HK2: variants seen among roughly 807,000 people sequenced by gnomAD.
HK2 encodes hexokinase-2.
Under a neutral mutation model 92.9 loss-of-function variants are expected in HK2, and 42 were observed. That is an observed-to-expected ratio of 0.45 (90% CI 0.35 to 0.58). The LOEUF (loss-of-function observed/expected upper bound fraction) is 0.58. HK2 is among the 20% of genes least tolerant of loss of function. The pLI is 0.00. For synonymous variants in HK2, 422 were observed against 468.0 expected, an observed-to-expected ratio of 0.90 and a Z score of 1.27; for missense variants, 978 against 1,245.1, an observed-to-expected ratio of 0.79 and a Z score of 3.23.
chr2:74,880,602 G>C, intron 10 of HK2, 33 bp downstream of exon 10: 1 of 1,604,366 alleles, frequency 6.2e-7, no homozygotes, highest in Non-Finnish European at 8.5e-7. Context: ...GGCTCACATG[G>C]TGGGCCTTTG....
At chr2:74,883,909 TCA>T (rs1689461225) in intron 12 of HK2, among the ~76,000 whole-genome samples, 1 of 152,230 alleles carries the variant, frequency 6.6e-6, no homozygotes, top group African/African-American at 2.4e-5. Context: ...TAAATTTTAA[TCA>T]CATGAAAAAT....
chr2:74,854,471 G>A lies in HK2; in HGVS notation c.226+16G>A, dbSNP rs756974043. 6.2e-7 allele frequency: 1 copy of A among 1,613,712 alleles called. No individual in the cohort carries two copies. Among genetic ancestry groups the A allele is most frequent in the Admixed American group, 1.7e-5 (1 of 60,030 alleles). ...GATGGGACAGGTACTGCATCTGGGG[G>A]ATGGCTCTAGCTGCTGCGTTACTCA... On this transcript the variant is annotated intron_variant, in intron 2 of 17. Coordinates refer to ENST00000290573, the MANE Select transcript of HK2 (RefSeq NM_000189.5).
chr2:74,880,684 C>T (rs1231352057), intron 10 of HK2, 115 bp downstream of exon 10: 3 of 1,071,870 alleles, frequency 2.8e-6, no homozygotes, highest in African/African-American at 1.6e-5. Flanking sequence ...CACGTTTCTT[C>T]AGCCGTATTA....
intron 2 of HK2, among the ~76,000 whole-genome samples, chr2:74,864,514 G>A (rs546545703): frequency 8.9e-4 from 134 of 149,846 alleles, no homozygotes; most frequent in Non-Finnish European, 1.7e-3. Context: ...TCATTTGTTT[G>A]TTTTTTTTTT....
intron 2 of HK2, among the ~76,000 whole-genome samples, chr2:74,856,766 C>A (rs1432457506): frequency 6.6e-6 from 1 of 152,094 alleles, no homozygotes; most frequent in African/African-American, 2.4e-5. Context: ...AGTGGGAGGC[C>A]GAGTTAGGAA....
intron 8 of HK2, 107 bp from the exon 9 acceptor site, chr2:74,878,580 TG>T: frequency 1.2e-6 from 1 of 851,486 alleles, no homozygotes; most frequent in Non-Finnish European, 2.0e-6. Context: ...CTGTCCCCAC[TG>T]GGTGGTGAAT....
chr2:74,853,518 AAACAACAACAACAACAACAAC>A (rs146960066), intron 1 of HK2, among the ~76,000 whole-genome samples: 19 of 143,370 alleles, frequency 1.3e-4, no homozygotes, highest in African/African-American at 3.9e-4. Context: ...CTCAGCCTCA[AAACAACAACAACAACAACAAC>A]AACAACAACA....
At chr2:74,874,187 C>T (rs770682424) in intron 6 of HK2, 79 bp from the exon 7 acceptor site, 11 of 1,568,422 alleles carry the variant, frequency 7.0e-6, no homozygotes, top group East Asian at 2.2e-5. Context: ...CGGGCAGTCT[C>T]GGGACAGTAG....
intron 2 of HK2, among the ~76,000 whole-genome samples, chr2:74,861,478 T>C (rs1337169704): frequency 6.6e-6 from 1 of 151,750 alleles, no homozygotes; most frequent in East Asian, 1.9e-4. Flanking sequence ...ATGGTGTCTG[T>C]ACTAGGCCAT....
intron 2 of HK2, among the ~76,000 whole-genome samples, chr2:74,865,442 G>A (rs1412175406): frequency 6.6e-6 from 1 of 152,094 alleles, no homozygotes; most frequent in African/African-American, 2.4e-5. Flanking sequence ...AGCGGATCGC[G>A]TGTATCCTGG....
chr2:74,886,544 A>G lies in HK2; in HGVS notation c.2090A>G (p.Glu697Gly). 1 of 1,613,924 alleles carries G rather than the reference A, an allele frequency of 6.2e-7. No homozygotes were observed. Among genetic ancestry groups the G allele is most frequent in the Non-Finnish European group, 8.5e-7 (1 of 1,179,940 alleles). Residue 697 changes from glutamate (E) to glycine (G), a missense_variant, in exon 15 of 18, where the codon GAA becomes GGA. Transcript: ENST00000290573. Reference sequence around the variant, plus strand: ...GAGATGCGCAACGTGGAACTGGTGGAAGGAGAAGAGGGGCGGATGTGTGTG... The same window carrying G: ...GAGATGCGCAACGTGGAACTGGTGGGAGGAGAAGAGGGGCGGATGTGTGTG... ...MEEMRNVELV[E>G]GEEGRMCVNM...
chr2:74,845,539 G>A (rs1438759597), intron 1 of HK2, among the ~76,000 whole-genome samples: 1 of 152,258 alleles, frequency 6.6e-6, no homozygotes, highest in East Asian at 1.9e-4. Context: ...ACTGAGAACT[G>A]GAAGAACAGG....
chr2:74,869,368 A>AT (rs1427604029), intron 3 of HK2, among the ~76,000 whole-genome samples: 1 of 152,116 alleles, frequency 6.6e-6, no homozygotes, highest in African/African-American at 2.4e-5. Context: ...TACTGGTGCT[A>AT]TTTTTCCCAT....
intron 2 of HK2, among the ~76,000 whole-genome samples, chr2:74,863,996 T>G (rs894198750): frequency 6.6e-6 from 1 of 152,234 alleles, no homozygotes; most frequent in African/African-American, 2.4e-5. Flanking sequence ...TCCAGTGTTC[T>G]GATTTGCCTG....
At chr2:74,879,370 A>C (rs1689323801) in intron 9 of HK2, among the ~76,000 whole-genome samples, 1 of 152,168 alleles carries the variant, frequency 6.6e-6, no homozygotes, top group Non-Finnish European at 1.5e-5. Context: ...AGGTACCAGA[A>C]TATTCACATG....
At chr2:74,877,133 G>T in intron 7 of HK2, 33 bp from the exon 8 acceptor site, 3 of 1,612,702 alleles carry the variant, frequency 1.9e-6, no homozygotes, top group South Asian at 1.1e-5. Flanking sequence ...GGGCAGTGGG[G>T]ACTTTATGTT....
intron 2 of HK2, among the ~76,000 whole-genome samples, chr2:74,862,712 C>T (rs1194511602): frequency 1.3e-5 from 2 of 152,184 alleles, no homozygotes; most frequent in Non-Finnish European, 2.9e-5. Flanking sequence ...GAAGATTGTA[C>T]TGATAGATAG....
intron 1 of HK2, among the ~76,000 whole-genome samples, chr2:74,846,327 C>T (rs201231942): frequency 1.5e-5 from 2 of 137,012 alleles, no homozygotes; most frequent in East Asian, 2.1e-4. Context: ...CCTTTTTTTT[C>T]CAGCGTCTTT....
chr2:74,864,487 C>G (rs1411201730), intron 2 of HK2, among the ~76,000 whole-genome samples: 1 of 151,462 alleles, frequency 6.6e-6, no homozygotes. Context: ...TACTGTGTTT[C>G]TTCTTTGTTG....
Sources: allele counts gnomAD v4.1 joint callset (sites outside exome capture counted in the v4.1 genomes callset), GRCh38; gene constraint gnomAD v4.1.1; transcripts MANE v1.5; gene names NCBI Gene and HGNC (gene_info 2026-07-23, HGNC 2026-07-21).